Variants in ANXA8 observed in about 807,000 individuals in gnomAD.
ANXA8 encodes VAC-beta.
A neutral mutation model predicts 26.8 loss-of-function variants in ANXA8; 9 were observed. That is an observed-to-expected ratio of 0.34 (90% CI 0.20 to 0.59). ANXA8 has a LOEUF of 0.59. Among genes scored for constraint, ANXA8 ranks in the 20% least tolerant of loss-of-function variants. ANXA8 has a pLI of 0.84. For missense variants in ANXA8, 83 were observed against 238.5 expected, an observed-to-expected ratio of 0.35 and a Z score of 4.29; for synonymous variants, 39 against 94.8, an observed-to-expected ratio of 0.41 and a Z score of 3.42.
At chr10:47,675,806 C>T in the ANXA8 span, among the ~76,000 whole-genome samples, 2 of 151,716 alleles carry the variant, frequency 1.3e-5, no homozygotes, top group African/African-American at 4.9e-5. Context: ...CCAGATTTAT[C>T]AGACAGGGAT....
At chr10:47,957,165 A>G in the ANXA8 span, among the ~76,000 whole-genome samples, 2 of 149,882 alleles carry the variant, frequency 1.3e-5, no homozygotes, top group African/African-American at 5.0e-5. Flanking sequence ...CTTATTCATG[A>G]TCTCTCTGTG....
the ANXA8 span, among the ~76,000 whole-genome samples, chr10:47,930,073 C>G: frequency 6.6e-6 from 1 of 152,188 alleles, no homozygotes; most frequent in Non-Finnish European, 1.5e-5. Context: ...TGCTTCTCTG[C>G]TATCTTTTGA....
At chr10:47,733,171 T>TTCTTTCTTTCTTTCTCTC in the ANXA8 span, among the ~76,000 whole-genome samples, 3 of 100,812 alleles carry the variant, frequency 3.0e-5, no homozygotes, top group African/African-American at 9.6e-5. Context: ...CTTTCTTTCT[T>TTCTTTCTTTCTTTCTCTC]TCTTTCTTTC....
At chr10:47,558,387 A>G in the ANXA8 span, among the ~76,000 whole-genome samples, 2 of 151,862 alleles carry the variant, frequency 1.3e-5, no homozygotes, top group Non-Finnish European at 2.9e-5. Context: ...TACCGAGCCC[A>G]TTCACTATCT....
the ANXA8 span, chr10:47,502,094 C>T: frequency 6.4e-7 from 1 of 1,570,892 alleles, no homozygotes; most frequent in Non-Finnish European, 8.7e-7. Flanking sequence ...CTCGTCGGGG[C>T]AGCCGTACTG....
the ANXA8 span, chr10:47,970,590 G>A: frequency 6.6e-6 from 1 of 151,424 alleles, no homozygotes; most frequent in African/African-American, 2.4e-5. Context: ...CAGTTCACTA[G>A]CTGACCTGAC....
At chr10:47,730,649 T>G in the ANXA8 span, among the ~76,000 whole-genome samples, 1 of 151,318 alleles carries the variant, frequency 6.6e-6, no homozygotes, top group Non-Finnish European at 1.5e-5. Context: ...CTTCCTTTCT[T>G]CTGGAGAAAT....
At chr10:47,895,116 C>T in the ANXA8 span, among the ~76,000 whole-genome samples, 1 of 151,782 alleles carries the variant, frequency 6.6e-6, no homozygotes, top group South Asian at 2.1e-4. Context: ...AACACACACA[C>T]ACTTAATTTG....
chr10:47,507,720 G>A, the ANXA8 span: 23 of 605,936 alleles, frequency 3.8e-5, 1 homozygote, highest in African/African-American at 4.8e-4. Context: ...AGTACCATAA[G>A]GGCACTTTGT....
the ANXA8 span, among the ~76,000 whole-genome samples, chr10:47,536,544 G>C: frequency 4.0e-5 from 5 of 124,868 alleles, 2 homozygotes; most frequent in Non-Finnish European, 7.9e-5. Flanking sequence ...CAATGGACTA[G>C]TAATATATAA....
chr10:47,873,275 TG>T, the ANXA8 span, among the ~76,000 whole-genome samples: 1 of 142,384 alleles, frequency 7.0e-6, no homozygotes, highest in African/African-American at 2.5e-5. Flanking sequence ...GATGAGTCTG[TG>T]GGGGGCCTCC....
At chr10:47,585,326 C>A in the ANXA8 span, among the ~76,000 whole-genome samples, 1 of 123,692 alleles carries the variant, frequency 8.1e-6, no homozygotes, top group Non-Finnish European at 1.7e-5. Context: ...TTCAAATAAG[C>A]AATTGTTAGT....
At chr10:47,555,171 C>T in the ANXA8 span, among the ~76,000 whole-genome samples, 1 of 144,440 alleles carries the variant, frequency 6.9e-6, no homozygotes, top group Admixed American at 7.0e-5. Context: ...GTGGCCAGTG[C>T]CCAGCAGGTC....
chr10:47,597,430 C>T, the ANXA8 span, among the ~76,000 whole-genome samples: 3 of 147,190 alleles, frequency 2.0e-5, no homozygotes, highest in East Asian at 5.8e-4. Flanking sequence ...AAGCAAGAAA[C>T]AAAAGGCATC....
the ANXA8 span, among the ~76,000 whole-genome samples, chr10:47,648,324 A>G: frequency 6.6e-6 from 1 of 151,462 alleles, no homozygotes; most frequent in East Asian, 1.9e-4. Flanking sequence ...AATTTATTTC[A>G]GAGAAATGTG....
At chr10:47,584,370 A>AATCAATC in the ANXA8 span, among the ~76,000 whole-genome samples, 2 of 143,706 alleles carry the variant, frequency 1.4e-5, no homozygotes, top group Admixed American at 1.4e-4. Flanking sequence ...TAAGTGAATG[A>AATCAATC]ATCAATCATC....
chr10:47,918,370 AGAGAGAGAGAGAG>A, the ANXA8 span, among the ~76,000 whole-genome samples: 1,410 of 20,072 alleles, frequency 0.07, 106 homozygotes, highest in African/African-American at 0.085. Flanking sequence ...AGAGAGAGAG[AGAGAGAGAGAGAG>A]AGAAAGAAAG....
At chr10:47,483,829 G>A in intron 1 of ANXA8, 84 bp downstream of exon 1, 3 of 1,611,086 alleles carry the variant, frequency 1.9e-6, no homozygotes, top group African/African-American at 2.7e-5. Flanking sequence ...CCAGCCAAGG[G>A]CGACTTTACA....
At chr10:47,941,817 G>A in the ANXA8 span, among the ~76,000 whole-genome samples, 5 of 147,798 alleles carry the variant, frequency 3.4e-5, no homozygotes, top group African/African-American at 1.3e-4. Context: ...GCAACTGGAA[G>A]CAGCACTACT....
Sources: allele counts gnomAD v4.1 joint callset (sites outside exome capture counted in the v4.1 genomes callset), GRCh38; gene constraint gnomAD v4.1.1; transcripts MANE v1.5; gene names NCBI Gene and HGNC (gene_info 2026-07-23, HGNC 2026-07-21).